STPG4: variants seen among roughly 807,000 people sequenced by gnomAD.
The protein encoded by STPG4 is protein STPG4.
A neutral mutation model predicts 31.5 loss-of-function variants in STPG4; 41 were observed. The observed-to-expected ratio is 1.30, with a 90% confidence interval of 1.01 to 1.69. The LOEUF (loss-of-function observed/expected upper bound fraction) is 1.69, where lower values mean the gene tolerates loss of function less well. STPG4 is among the 40% of genes most tolerant of loss of function. The pLI, the probability that STPG4 is intolerant of heterozygous loss-of-function variation, is 0.00. For synonymous variants in STPG4, 141 were observed against 103.0 expected, an observed-to-expected ratio of 1.37 and a Z score of -2.24; for missense variants, 375 against 293.4, an observed-to-expected ratio of 1.28 and a Z score of -2.03.
At chr2:47,150,841 C>A (rs1686920461) in intron 3 of STPG4, among the ~76,000 whole-genome samples, 1 of 151,988 alleles carries the variant, frequency 6.6e-6, no homozygotes, top group African/African-American at 2.4e-5. Flanking sequence ...TTTTTAAAAG[C>A]TTCCCTGTGG....
chr2:47,144,938 G>A (rs1686789489), intron 3 of STPG4, among the ~76,000 whole-genome samples: 1 of 152,194 alleles, frequency 6.6e-6, no homozygotes, highest in South Asian at 2.1e-4. Flanking sequence ...CACTGTGTTA[G>A]CCAGGAAGGT....
chr2:47,114,099 G>A (rs982670849), intron 5 of STPG4, among the ~76,000 whole-genome samples: 7 of 151,228 alleles, frequency 4.6e-5, no homozygotes, highest in African/African-American at 1.7e-4. Flanking sequence ...GGCTGAGTGT[G>A]GTGGCTCATG....
At chr2:47,108,782 G>A (rs11680835) in intron 5 of STPG4, 24,999 of 152,288 alleles carry the variant, frequency 0.16, 2,691 homozygotes, top group African/African-American at 0.3. Flanking sequence ...GACCTAGACT[G>A]ACCAGAGGAT....
At chr2:47,130,372 TCTTTA>T (rs1178568692) in intron 3 of STPG4, 112 bp from the exon 4 acceptor site, 4 of 835,770 alleles carry the variant, frequency 4.8e-6, no homozygotes, top group East Asian at 2.6e-5. Context: ...GATAATTCCT[TCTTTA>T]CTTTAATAGT....
At chr2:47,100,912 TCAC>T (rs1402038577) in intron 5 of STPG4, among the ~76,000 whole-genome samples, 1 of 151,760 alleles carries the variant, frequency 6.6e-6, no homozygotes, top group Non-Finnish European at 1.5e-5. Flanking sequence ...GCTGTAACAC[TCAC>T]CACGAGGGTC....
intron 5 of STPG4, among the ~76,000 whole-genome samples, chr2:47,112,449 C>T (rs1044858712): frequency 6.6e-6 from 1 of 152,090 alleles, no homozygotes; most frequent in African/African-American, 2.4e-5. Flanking sequence ...GGATTACAGG[C>T]GTGAGCCACT....
intron 5 of STPG4, among the ~76,000 whole-genome samples, chr2:47,112,846 A>C (rs1228568959): frequency 1.3e-5 from 2 of 152,148 alleles, no homozygotes; most frequent in East Asian, 1.9e-4. Context: ...CTACCAAAAA[A>C]ATTATCCAGG....
At chr2:47,153,038 G>A (rs780035502) in intron 1 of STPG4, 22 bp from the exon 2 acceptor site, 2 of 1,584,052 alleles carry the variant, frequency 1.3e-6, no homozygotes, top group Non-Finnish European at 1.7e-6. Flanking sequence ...CACAAAGTAT[G>A]CTTATTCATT....
Position 47,115,443 on chromosome 2 carries a change from T to C in STPG4, c.519+14498A>G, listed in dbSNP as rs186402536. On this transcript the variant is annotated intron_variant, in intron 5 of 6. Coordinates refer to ENST00000445927, the MANE Select transcript of STPG4 (RefSeq NM_001163561.2). ...TTTGGGAGGTAATTTTTATGAGTTT[T>C]TGCATGTTGAAAGTCTTTGTTTTCA... Among the ~76,000 whole-genome samples, 407 of 152,300 alleles carry C rather than the reference T, an allele frequency of 2.7e-3. 2 individuals are homozygous for C. Among genetic ancestry groups the C allele is most frequent in the African/African-American group, 9.1e-3 (379 of 41,568 alleles).
chr2:47,119,866 A>ACC (rs1457535985), intron 5 of STPG4, among the ~76,000 whole-genome samples: 1 of 152,224 alleles, frequency 6.6e-6, no homozygotes, highest in Non-Finnish European at 1.5e-5. Context: ...GTAGGGCTAA[A>ACC]TGTGGGGAAA....
intron 5 of STPG4, among the ~76,000 whole-genome samples, chr2:47,125,062 A>G (rs1476864734): frequency 6.6e-6 from 1 of 152,126 alleles, no homozygotes; most frequent in African/African-American, 2.4e-5. Flanking sequence ...GGCCATTTGT[A>G]TGTCTTCTTT....
intron 6 of STPG4, among the ~76,000 whole-genome samples, chr2:47,089,738 G>C (rs1224396206): frequency 6.6e-6 from 1 of 151,928 alleles, no homozygotes; most frequent in African/African-American, 2.4e-5. Flanking sequence ...GAGGAGTCCT[G>C]TATGCTCCCA....
chr2:47,149,988 G>T (rs1447451974), intron 3 of STPG4, among the ~76,000 whole-genome samples: 1 of 152,146 alleles, frequency 6.6e-6, no homozygotes, highest in Non-Finnish European at 1.5e-5. Flanking sequence ...ACTAAATTTT[G>T]GTGCAGAAGC....
Position 47,087,083 on chromosome 2 carries a change from C to A in STPG4, c.672G>T (p.Lys224Asn), listed in dbSNP as rs1180520754. 9 of 1,551,808 alleles carry A rather than the reference C, an allele frequency of 5.8e-6. No individual in the cohort carries two copies. Among genetic ancestry groups the A allele is most frequent in the Non-Finnish European group, 6.1e-6 (7 of 1,147,006 alleles). ...CCATTTTGGCTATGGTCGGAGACTGCTTAGGGAATTGTCTTAAAGTTGTAT... is the reference window on the plus strand; with the variant it reads ...CCATTTTGGCTATGGTCGGAGACTGATTAGGGAATTGTCTTAAAGTTGTAT... ...GAYTTLRQFP[K>N]QSPTIAKMGQ... The change falls in exon 7 of 7, where the codon AAG becomes AAT. Residue 224 changes from lysine (K) to asparagine (N), a missense_variant. Lys to Asn is a moderately conservative substitution (Grantham distance 94, BLOSUM62 0). Transcript: ENST00000445927.
At chr2:47,149,897 C>G (rs534648600) in intron 3 of STPG4, among the ~76,000 whole-genome samples, 1 of 152,302 alleles carries the variant, frequency 6.6e-6, no homozygotes, top group Non-Finnish European at 1.5e-5. Context: ...ACTCCTCCCT[C>G]GGAATACCTC....
At chr2:47,107,299 C>G (rs1209230882) in intron 5 of STPG4, among the ~76,000 whole-genome samples, 5 of 152,122 alleles carry the variant, frequency 3.3e-5, no homozygotes, top group Admixed American at 3.3e-4. Flanking sequence ...CAAGTGGGAA[C>G]CGGGGCTGCG....
intron 3 of STPG4, among the ~76,000 whole-genome samples, chr2:47,135,914 A>C (rs188180570): frequency 1.3e-5 from 2 of 152,286 alleles, no homozygotes; most frequent in African/African-American, 2.4e-5. Flanking sequence ...GAAGTCAGGT[A>C]GTGTCAGTCC....
rs1330886074 is a variant in STPG4, at chr2:47,153,039, C to T, written c.82-23G>A. ...TTTCTGTTAACAAACACAAAGTATGCTTATTCATTTGAGAGGTGATCCCTT... is the reference window on the plus strand; with the variant it reads ...TTTCTGTTAACAAACACAAAGTATGTTTATTCATTTGAGAGGTGATCCCTT... On this transcript the variant is annotated intron_variant, in intron 1 of 6. Coordinates refer to ENST00000445927, the MANE Select transcript of STPG4 (RefSeq NM_001163561.2). 5.7e-6 allele frequency: 9 copies of T among 1,583,012 alleles called. No homozygotes were observed. The South Asian group carries it at 1.0e-4, about 18-fold the overall frequency.
intron 6 of STPG4, 128 bp from the exon 7 acceptor site, chr2:47,087,258 C>G (rs1016342819): frequency 4.6e-6 from 5 of 1,085,516 alleles, no homozygotes; most frequent in Non-Finnish European, 6.5e-6. Context: ...GCCACACCAG[C>G]CTGGGCTGAA....
Sources: allele counts gnomAD v4.1 joint callset (sites outside exome capture counted in the v4.1 genomes callset), GRCh38; gene constraint gnomAD v4.1.1; transcripts MANE v1.5; gene names NCBI Gene and HGNC (gene_info 2026-07-23, HGNC 2026-07-21).